The following AFAP1 variants were observed in gnomAD, a reference collection of about 807,000 sequenced individuals.
The protein encoded by AFAP1 is actin filament associated protein 1, also known as actin filament-associated protein 1.
AFAP1 carries 75 observed loss-of-function variants against 93.9 expected under a neutral mutation model. The observed-to-expected ratio is 0.80, with a 90% CI of 0.66 to 0.97. AFAP1 has a LOEUF of 0.97. Among genes scored for constraint, AFAP1 ranks in the 50% least tolerant of loss-of-function variants. The pLI, the probability that AFAP1 is intolerant of heterozygous loss-of-function variation, is 0.00. For missense variants in AFAP1, 1,201 were observed against 1,050.8 expected, an observed-to-expected ratio of 1.14 and a Z score of -1.98; for synonymous variants, 517 against 430.7, an observed-to-expected ratio of 1.20 and a Z score of -2.48.
At chr4:7,855,405 G>A in intron 4 of AFAP1, 61 bp downstream of exon 4, 1 of 1,317,328 alleles carries the variant, frequency 7.6e-7, no homozygotes, top group South Asian at 1.4e-5. Context: ...AAAGGGGACA[G>A]GCTCTGCAAC....
At chr4:7,814,679 C>T (rs1308837781) in intron 8 of AFAP1, among the ~76,000 whole-genome samples, 2 of 152,166 alleles carry the variant, frequency 1.3e-5, no homozygotes, top group East Asian at 1.9e-4. Flanking sequence ...AGTCTGCAAC[C>T]GAGATGCTTC....
intron 1 of AFAP1, among the ~76,000 whole-genome samples, chr4:7,924,461 A>G (rs943837908): frequency 9.9e-5 from 15 of 152,168 alleles, no homozygotes; most frequent in African/African-American, 3.4e-4. Context: ...CAGACAGGCA[A>G]TGGCGCCTAG....
chr4:7,902,027 A>G (rs1451053801), intron 1 of AFAP1, among the ~76,000 whole-genome samples: 1 of 152,190 alleles, frequency 6.6e-6, no homozygotes, highest in Non-Finnish European at 1.5e-5. Context: ...CCATATTTGA[A>G]ACACAATAGA....
At chr4:7,868,791 G>A (rs34570748) in intron 2 of AFAP1, 72 bp from the exon 3 acceptor site, 187,657 of 1,327,286 alleles carry the variant, frequency 0.14, 14,377 homozygotes, top group Non-Finnish European at 0.16. Flanking sequence ...GCATCTATCA[G>A]TTCCTGAACC....
chr4:7,931,884 G>C (rs181544712), intron 1 of AFAP1, among the ~76,000 whole-genome samples: 1 of 151,222 alleles, frequency 6.6e-6, no homozygotes, highest in Admixed American at 6.6e-5. Flanking sequence ...TTTTTGAGAC[G>C]GAGTCTCACT....
intron 12 of AFAP1, 146 bp from the exon 13 acceptor site, chr4:7,781,773 C>G: frequency 9.2e-7 from 1 of 1,082,416 alleles, no homozygotes; most frequent in Non-Finnish European, 1.3e-6. Flanking sequence ...CAGTTGTTAT[C>G]AATAAGGCAT....
intron 10 of AFAP1, among the ~76,000 whole-genome samples, chr4:7,794,105 G>A (rs1718158269): frequency 6.6e-6 from 1 of 152,192 alleles, no homozygotes; most frequent in Non-Finnish European, 1.5e-5. Context: ...GTGTAAGACA[G>A]GAAAATTAAC....
intron 6 of AFAP1, among the ~76,000 whole-genome samples, chr4:7,834,514 A>T (rs533504366): frequency 5.3e-5 from 8 of 152,336 alleles, no homozygotes; most frequent in South Asian, 2.1e-4. Flanking sequence ...ATGGAAATTT[A>T]AAAAAAATTT....
intron 5 of AFAP1, among the ~76,000 whole-genome samples, chr4:7,840,496 T>C (rs984949714): frequency 6.6e-6 from 1 of 152,136 alleles, no homozygotes; most frequent in Non-Finnish European, 1.5e-5. Flanking sequence ...GTATTTTTAG[T>C]AGAGACAGGG....
chr4:7,764,352 G>A (rs1019405372), intron 17 of AFAP1, among the ~76,000 whole-genome samples: 10 of 151,972 alleles, frequency 6.6e-5, no homozygotes, highest in Admixed American at 2.0e-4. Context: ...ACCAGCCTAG[G>A]CAACGTAGCG....
Position 7,781,482 on chromosome 4 carries a change from AGCCTAGAG to A in AFAP1, c.1668_1675del (p.Ser557ValfsTer3). On this transcript the variant is annotated frameshift_variant, in exon 13 of 18. Transcript: ENST00000420658. LOFTEE classifies it high-confidence loss of function. ...GTTAGAGGACAGCTTGTCAGCAGACAGCCTAGAGGCCTTTCTGTCAGCAGGAGAGTAGC... is the reference window on the plus strand; with the variant it reads ...GTTAGAGGACAGCTTGTCAGCAGACAGCCTTTCTGTCAGCAGGAGAGTAGC... 2 of 1,552,234 alleles carry A rather than the reference AGCCTAGAG, an allele frequency of 1.3e-6. No homozygotes were observed. The highest frequency in any genetic ancestry group is 2.4e-5 in the South Asian group (2 of 84,060).
In AFAP1 at chr4:7,768,990, G is replaced by A. The variant is rs149064401; in HGVS notation, c.2272C>T (p.Arg758Trp). Residue 758 changes from arginine (R) to tryptophan (W), a missense_variant, in exon 17 of 18, where the codon CGG becomes TGG. Arg to Trp is a moderately radical substitution (Grantham distance 101). Coordinates refer to ENST00000420658, the MANE Select transcript of AFAP1 (RefSeq NM_001134647.2). Reference sequence around the variant, plus strand: ...GAGATGGGCGAGTTTTCCAGGGTCCGGTGCCGGAACACTGGAGACTTAACG... The same window carrying A: ...GAGATGGGCGAGTTTTCCAGGGTCCAGTGCCGGAACACTGGAGACTTAACG... The part of the protein sequence containing the change: ...SSPQSPVFRH[R>W]TLENSPISSC... 22 of 1,612,602 alleles carry A rather than the reference G, an allele frequency of 1.4e-5. No homozygotes were observed. The highest frequency in any genetic ancestry group is 1.7e-4 in the Middle Eastern group (1 of 6,050).
At chr4:7,779,262 G>C (rs2148979270) in intron 13 of AFAP1, 1 of 198,680 alleles carries the variant, frequency 5.0e-6, no homozygotes, top group South Asian at 8.7e-5. Context: ...ATGCCTTTTA[G>C]GAGAGGAGCA....
At chr4:7,862,007 G>A (rs1177507348) in intron 3 of AFAP1, 4 of 152,316 alleles carry the variant, frequency 2.6e-5, no homozygotes, top group East Asian at 3.9e-4. Context: ...GAAATGCATC[G>A]ATGGGAAGAT....
chr4:7,916,275 A>G (rs1316786296), intron 1 of AFAP1, among the ~76,000 whole-genome samples: 1 of 152,220 alleles, frequency 6.6e-6, no homozygotes, highest in Non-Finnish European at 1.5e-5. Flanking sequence ...ATACCCAAAT[A>G]AAACTTGCCA....
chr4:7,883,286 T>G (rs1717957541), intron 1 of AFAP1, among the ~76,000 whole-genome samples: 1 of 152,010 alleles, frequency 6.6e-6, no homozygotes, highest in African/African-American at 2.4e-5. Flanking sequence ...ATAATGCAAT[T>G]GTTCCACAGA....
intron 14 of AFAP1, 37 bp from the exon 15 acceptor site, chr4:7,774,940 T>C (rs1340021068): frequency 6.3e-7 from 1 of 1,595,810 alleles, no homozygotes; most frequent in Non-Finnish European, 8.5e-7. Context: ...AAAAATTAGG[T>C]TTACTAGCCT....
rs1336715040 is a variant in AFAP1 at position 7,768,342 on chromosome 4, C to T, written c.2418+502G>A. 9.9e-5 allele frequency among the ~76,000 whole-genome samples: 15 copies of T among 152,224 alleles called. 1 individual carries two copies. The highest frequency in any genetic ancestry group is 3.3e-4 in the Admixed American group (5 of 15,284). ...CTAGTGGCTAATCCCATGAGAAGAC[C>T]GGAAGCTGCCCCAGGAGGGAGTAAA... On this transcript the variant is annotated intron_variant, in intron 17 of 17. Transcript: ENST00000420658.
chr4:7,825,388 G>A (rs1235377430), intron 6 of AFAP1, among the ~76,000 whole-genome samples: 1 of 151,956 alleles, frequency 6.6e-6, no homozygotes, highest in African/African-American at 2.4e-5. Context: ...GCCTTTACAA[G>A]GTGAAATAAA....
Sources: gnomAD v4.1 joint callset for allele counts (sites outside exome capture counted in the v4.1 genomes callset) on GRCh38, gnomAD v4.1.1 for gene constraint, MANE v1.5 for transcripts, NCBI Gene and HGNC (gene_info 2026-07-23, HGNC 2026-07-21) for gene names.